Variants in SDF4 observed in about 807,000 individuals in gnomAD.
SDF4 encodes stromal cell derived factor 4.
A neutral mutation model predicts 34.2 loss-of-function variants in SDF4; 22 were observed. That is an observed-to-expected ratio of 0.64 (90% CI 0.46 to 0.92). SDF4 has a LOEUF of 0.92. SDF4 is among the 40% of genes least tolerant of loss of function. The probability of loss-of-function intolerance (pLI) is 0.00; values close to 1 mark genes in which losing one functional copy is unlikely to be tolerated. For synonymous variants in SDF4, 236 were observed against 203.1 expected, an observed-to-expected ratio of 1.16 and a Z score of -1.38; for missense variants, 447 against 499.9, an observed-to-expected ratio of 0.89 and a Z score of 1.01.
rs757570941 is a variant in SDF4, at chr1:1,223,296, C to T, written c.504G>A (p.Lys168=). The T allele has an allele frequency of 2.2e-5, 35 of 1,614,022 alleles. No individual in the cohort carries two copies. Among genetic ancestry groups the T allele is most frequent in the Non-Finnish European group, 2.7e-5 (32 of 1,180,032 alleles). Residue 168 remains lysine, a synonymous_variant, in exon 4 of 7, where the codon AAG becomes AAA. Coordinates refer to ENST00000360001, the MANE Select transcript of SDF4 (RefSeq NM_016176.6). ...KFLASKGHSE[K]EVADAIRLNE... is the part of the protein sequence containing the mutation. ...TGAGCCTGATGGCGTCGGCAACCTC[C>T]TTCTCGCTATGGCCTTTACTCGCCA...
chr1:1,227,774 A>G (rs1638358034), intron 2 of SDF4, among the ~76,000 whole-genome samples: 1 of 151,944 alleles, frequency 6.6e-6, no homozygotes, highest in South Asian at 2.1e-4. Flanking sequence ...CCCATCTTGG[A>G]CCCCTCACAA....
chr1:1,226,633 T>C (rs1638319823), intron 2 of SDF4, among the ~76,000 whole-genome samples: 1 of 151,784 alleles, frequency 6.6e-6, no homozygotes. Context: ...GGAAGGGAAG[T>C]CTAAACACCC....
At chr1:1,219,417 C>T in intron 4 of SDF4, 1 of 1,013,948 alleles carries the variant, frequency 9.9e-7, no homozygotes, top group Non-Finnish European at 1.2e-6. Flanking sequence ...ACCCCCCACA[C>T]CCGCGCCTGC....
intron 4 of SDF4, among the ~76,000 whole-genome samples, chr1:1,222,536 C>T (rs949387891): frequency 1.3e-5 from 2 of 152,242 alleles, no homozygotes; most frequent in Non-Finnish European, 2.9e-5. Context: ...ACACAGATGT[C>T]TCCAGCAGAC....
At chr1:1,220,567 A>T in intron 4 of SDF4, 1 of 1,265,012 alleles carries the variant, frequency 7.9e-7, no homozygotes, top group Non-Finnish European at 1.0e-6. Flanking sequence ...GAGGTCGGGG[A>T]GGCCAAGACG....
chr1:1,219,599 G>T, intron 4 of SDF4: 1 of 986,880 alleles, frequency 1.0e-6, no homozygotes, highest in Non-Finnish European at 1.2e-6. Flanking sequence ...AACCCTCCCA[G>T]CCGGGACACG....
chr1:1,225,761 G>A (rs1056499129), intron 2 of SDF4, among the ~76,000 whole-genome samples: 14 of 134,770 alleles, frequency 1.0e-4, no homozygotes, highest in Non-Finnish European at 2.1e-4. Context: ...CCACAGACAC[G>A]GGCCACACAC....
chr1:1,220,578 G>A (rs1290726076), intron 4 of SDF4: 4 of 1,283,902 alleles, frequency 3.1e-6, no homozygotes, highest in Admixed American at 4.6e-5. Flanking sequence ...GGCCAAGACG[G>A]ATCGGACACG....
In SDF4 at chr1:1,223,302, G is replaced by A. The variant is rs1403609556; in HGVS notation, c.498C>T (p.Ser166=). 8.7e-6 allele frequency: 14 copies of A among 1,613,932 alleles called. No individual in the cohort carries two copies. Among genetic ancestry groups the A allele is most frequent in the African/African-American group, 5.3e-5 (4 of 74,940 alleles). The change falls in exon 4 of 7, where the codon AGC becomes AGT. Residue 166 remains serine (S), a synonymous_variant. Transcript: ENST00000360001. The part of the protein sequence containing the change: ...KVKFLASKGH[S]EKEVADAIRL... The stretch of plus-strand genomic sequence containing the variant: ...TGATGGCGTCGGCAACCTCCTTCTC[G>A]CTATGGCCTTTACTCGCCAAAAACT...
rs1638401339 is a variant in SDF4 at position 1,228,902 on chromosome 1, T to C, written c.-130A>G. On this transcript the variant is annotated 5_prime_UTR_variant, in exon 2 of 7. Coordinates refer to ENST00000360001, the MANE Select transcript of SDF4 (RefSeq NM_016176.6). ...AATCCCCGGGCACCACGGAGGGCTCTGTGTCCCCAGGACGGCCGCAGGATG... is the reference window on the plus strand; with the variant it reads ...AATCCCCGGGCACCACGGAGGGCTCCGTGTCCCCAGGACGGCCGCAGGATG... 2.4e-6 allele frequency: 2 copies of C among 836,376 alleles called. No individual in the cohort carries two copies. Among genetic ancestry groups the C allele is most frequent in the East Asian group, 5.3e-5 (2 of 37,402 alleles). 51.8% of individuals were successfully genotyped at this position (836,376 alleles called of 1,614,324 possible). A position where few individuals can be genotyped will look rare whatever the true frequency, so the allele number is the denominator to read the frequency against.
At chr1:1,225,063 G>T (rs1638251330) in intron 2 of SDF4, among the ~76,000 whole-genome samples, 1 of 152,208 alleles carries the variant, frequency 6.6e-6, no homozygotes, top group Non-Finnish European at 1.5e-5. Context: ...GCCAGCGCAG[G>T]CCAGGTCAGG....
chr1:1,225,854 G>A lies in SDF4; in HGVS notation c.306-1886C>T, dbSNP rs74223867. Among the ~76,000 whole-genome samples the A allele has an allele frequency of 3.8e-3, 586 of 152,336 alleles. 18 individuals carry two copies. The East Asian group carries it at 0.07, about 18-fold the overall frequency. On this transcript the variant is annotated intron_variant, in intron 2 of 6. Coordinates refer to ENST00000360001, the MANE Select transcript of SDF4 (RefSeq NM_016176.6). ...AAAAGGTGGAAAGAAACCACATGGC[G>A]CAGGATTCCAGTCAAGATGTCGGCA...
chr1:1,219,315 C>T (rs1649762471), intron 4 of SDF4: 1 of 1,153,950 alleles, frequency 8.7e-7, no homozygotes, highest in African/African-American at 1.7e-5. Flanking sequence ...CCTCTCAAGA[C>T]ATGATCCAGA....
At position 1,231,311 on chromosome 1, in the gene SDF4, C is replaced by T. The variant is rs138424757; in HGVS notation, c.-175+581G>A. 8.4e-4 allele frequency among the ~76,000 whole-genome samples: 128 copies of T among 152,350 alleles called. 1 individual carries two copies. The highest frequency in any genetic ancestry group is 2.9e-3 in the African/African-American group (122 of 41,568). ...AATCAACACACCCTTGCAAAACGGACGTGGGAAACAGCTTAGGCAGAGACG... is the reference window on the plus strand; with the variant it reads ...AATCAACACACCCTTGCAAAACGGATGTGGGAAACAGCTTAGGCAGAGACG... On this transcript the variant is annotated intron_variant, in intron 1 of 6. Coordinates refer to ENST00000360001, the MANE Select transcript of SDF4 (RefSeq NM_016176.6).
At chr1:1,229,962 C>T (rs1268631419) in intron 1 of SDF4, among the ~76,000 whole-genome samples, 2 of 152,230 alleles carry the variant, frequency 1.3e-5, no homozygotes, top group Non-Finnish European at 2.9e-5. Context: ...CCCACACTCG[C>T]GAGCGAACGC....
chr1:1,218,523 TTCTG>T lies in SDF4; in HGVS notation c.822_825del (p.Asp274GlufsTer17), dbSNP rs1280256385. ...TCAATGAGCTCCTCAAACTCCTTTT[TTCTG>T]TCTTTCACCCAGTTGTCGTCAATGT... On this transcript the variant is annotated frameshift_variant, in exon 6 of 7. Transcript: ENST00000360001. LOFTEE classifies it high-confidence loss of function. This position sits in a 1 kb window ranked among gnomAD's most constrained non-coding sequence, Gnocchi z 7.9. 1.2e-6 allele frequency: 2 copies of T among 1,614,020 alleles called. No individual in the cohort carries two copies. Among genetic ancestry groups the T allele is most frequent in the Non-Finnish European group, 1.7e-6 (2 of 1,179,944 alleles).
chr1:1,227,582 C>T (rs906105082), intron 2 of SDF4, among the ~76,000 whole-genome samples: 2 of 152,182 alleles, frequency 1.3e-5, no homozygotes, highest in Admixed American at 6.5e-5. Context: ...GCTCCCTGCC[C>T]GGCACCCTGG....
In SDF4 at chr1:1,218,933, A is replaced by AG; in HGVS notation, c.557-7dup. 6.2e-7 allele frequency: 1 copy of AG among 1,609,700 alleles called. No individual in the cohort carries two copies. The highest frequency in any genetic ancestry group is 8.5e-7 in the Non-Finnish European group (1 of 1,178,158). On this transcript the variant is annotated splice_region_variant and splice_polypyrimidine_tract_variant and intron_variant, in intron 4 of 6. Transcript: ENST00000360001. This position sits in a 1 kb window ranked among gnomAD's most constrained non-coding sequence, Gnocchi z 7.9. Reference sequence around the variant, plus strand: ...GTTCTCCAGGACTTCCTGTGCTGAGAGGGGCGCAGCCTGTGGGTATCGAGG... The same window carrying AG: ...GTTCTCCAGGACTTCCTGTGCTGAGAGGGGGCGCAGCCTGTGGGTATCGAGG...
At chr1:1,226,848 C>T (rs1470914801) in intron 2 of SDF4, among the ~76,000 whole-genome samples, 1 of 152,144 alleles carries the variant, frequency 6.6e-6, no homozygotes, top group Non-Finnish European at 1.5e-5. Flanking sequence ...CCCCCAGCAC[C>T]GGCTGAGCAG....
Sources: allele counts gnomAD v4.1 joint callset (sites outside exome capture counted in the v4.1 genomes callset), GRCh38; gene constraint gnomAD v4.1.1; non-coding constraint Gnocchi (gnomAD v3.1); transcripts MANE v1.5; gene names NCBI Gene and HGNC (gene_info 2026-07-23, HGNC 2026-07-21).